The following GNG2 variants were observed in gnomAD, a reference collection of about 807,000 sequenced individuals.
GNG2 encodes the protein G protein subunit gamma 2.
A neutral mutation model predicts 5.5 loss-of-function variants in GNG2; 5 were observed. The observed-to-expected ratio is 0.91, with a 90% CI of 0.48 to 1.92. GNG2 has a LOEUF of 1.92. Among genes scored for constraint, GNG2 ranks in the 30% most tolerant of loss-of-function variants. The pLI is 0.01. For missense variants in GNG2, 55 were observed against 88.4 expected (o/e 0.62, Z 1.52); for synonymous variants, 28 against 32.0 (o/e 0.88, Z 0.42).
At chr14:51,854,400 T>C (rs1051243867) in intron 2 of GNG2, among the ~76,000 whole-genome samples, 2 of 152,178 alleles carry the variant, frequency 1.3e-5, no homozygotes, top group Non-Finnish European at 2.9e-5. Flanking sequence ...GCAGCCCTGG[T>C]CTGGGGAGTG....
intron 2 of GNG2, among the ~76,000 whole-genome samples, chr14:51,922,370 G>T (rs1044587901): frequency 2.0e-5 from 3 of 152,192 alleles, no homozygotes; most frequent in Non-Finnish European, 4.4e-5. Flanking sequence ...CTAGTTTCCT[G>T]AAACTTTTCT....
intron 2 of GNG2, chr14:51,916,616 G>A (rs901230847): frequency 1.0e-5 from 4 of 396,674 alleles, no homozygotes; most frequent in African/African-American, 4.2e-5. Flanking sequence ...GAGGAAGCCA[G>A]AAGTAGAAGA....
At chr14:51,899,946 A>T (rs536561683) in intron 2 of GNG2, among the ~76,000 whole-genome samples, 3 of 152,324 alleles carry the variant, frequency 2.0e-5, no homozygotes, top group South Asian at 4.1e-4. Flanking sequence ...CCTTTTACCT[A>T]ATGTAAATAA....
intron 2 of GNG2, among the ~76,000 whole-genome samples, chr14:51,907,849 C>A (rs1326762954): frequency 6.6e-6 from 1 of 152,056 alleles, no homozygotes; most frequent in Non-Finnish European, 1.5e-5. Flanking sequence ...TGGTCTTTAC[C>A]GATTTAGGTT....
chr14:51,827,127 C>G (rs35235484), intron 1 of GNG2, among the ~76,000 whole-genome samples: 39,158 of 151,842 alleles, frequency 0.26, 6,199 homozygotes, highest in Non-Finnish European at 0.36. Context: ...ATCTGGGGAT[C>G]TTTTAAAAGT....
At chr14:51,846,011 G>A (rs915564393) in intron 2 of GNG2, among the ~76,000 whole-genome samples, 4 of 152,066 alleles carry the variant, frequency 2.6e-5, no homozygotes, top group Admixed American at 2.6e-4. Context: ...TTCCACCTTT[G>A]ACAAGATAGG....
At chr14:51,900,742 C>T (rs150659535) in intron 2 of GNG2, among the ~76,000 whole-genome samples, 135 of 152,000 alleles carry the variant, frequency 8.9e-4, no homozygotes, top group African/African-American at 3.1e-3. Flanking sequence ...ACTTTGCTTT[C>T]CTAAAGTTCT....
At chr14:51,878,534 TA>T (rs202247479) in intron 2 of GNG2, among the ~76,000 whole-genome samples, 3 of 151,276 alleles carry the variant, frequency 2.0e-5, no homozygotes, top group East Asian at 1.9e-4. Flanking sequence ...CAGCAAATGC[TA>T]AAAAAAAATA....
At chr14:51,905,747 T>TA (rs1216780419) in intron 2 of GNG2, among the ~76,000 whole-genome samples, 1 of 152,192 alleles carries the variant, frequency 6.6e-6, no homozygotes, top group Non-Finnish European at 1.5e-5. Context: ...CAGGTGGAAA[T>TA]AATTGAATCA....
intron 2 of GNG2, among the ~76,000 whole-genome samples, chr14:51,847,885 T>TC (rs1219459856): frequency 3.4e-5 from 4 of 117,126 alleles, no homozygotes; most frequent in African/African-American, 1.2e-4. Flanking sequence ...CTTTTTCTTT[T>TC]TTTTTTTTTT....
intron 1 of GNG2, among the ~76,000 whole-genome samples, chr14:51,867,639 G>A (rs2140114660): frequency 6.6e-6 from 1 of 152,246 alleles, no homozygotes; most frequent in South Asian, 2.1e-4. Context: ...GGGCTGACTT[G>A]TTTTTTGAGT....
intron 1 of GNG2, among the ~76,000 whole-genome samples, chr14:51,871,423 T>C (rs188011251): frequency 5.3e-5 from 8 of 151,742 alleles, no homozygotes; most frequent in Admixed American, 2.0e-4. Flanking sequence ...AAAGATAACA[T>C]GTAGGAGAGT....
intron 2 of GNG2, among the ~76,000 whole-genome samples, chr14:51,910,491 G>A (rs879830568): frequency 2.6e-5 from 4 of 152,232 alleles, no homozygotes; most frequent in Admixed American, 6.5e-5. Context: ...AGGATGGAAG[G>A]AAGGGGGAAA....
intron 3 of GNG2, among the ~76,000 whole-genome samples, chr14:51,952,807 C>T (rs1889067264): frequency 6.6e-6 from 1 of 152,156 alleles, no homozygotes; most frequent in Non-Finnish European, 1.5e-5. Context: ...AATACATCTC[C>T]ATCCCGCCAT....
At chr14:51,943,170 G>A (rs932564114) in intron 2 of GNG2, among the ~76,000 whole-genome samples, 2 of 152,194 alleles carry the variant, frequency 1.3e-5, no homozygotes, top group African/African-American at 4.8e-5. Context: ...ACAAGTCACA[G>A]TGCATCACCA....
chr14:51,922,086 A>T (rs1887046903), intron 2 of GNG2, among the ~76,000 whole-genome samples: 1 of 152,148 alleles, frequency 6.6e-6, no homozygotes, highest in Non-Finnish European at 1.5e-5. Context: ...AGACTTTTAC[A>T]TTTCTTCCAC....
rs1251065426 is a variant in GNG2 at position 51,928,012 on chromosome 14, T to TTC, written c.-29-22624_-29-22623dup. Among the ~76,000 whole-genome samples the TTC allele has an allele frequency of 2.2e-3, 315 of 144,914 alleles. 1 individual carries two copies. The highest frequency in any genetic ancestry group is 3.7e-3 in the Non-Finnish European group (248 of 66,678). Reference sequence around the variant, plus strand: ...TGAAGTCTCAATTGGGTATTTGCCTTTCTCTCTCTCTCTCTTTTTTTTTTT... The same window carrying TTC: ...TGAAGTCTCAATTGGGTATTTGCCTTTCTCTCTCTCTCTCTCTTTTTTTTTTT... On this transcript the variant is annotated intron_variant, in intron 2 of 3. Transcript: ENST00000556766.
At chr14:51,884,936 G>C (rs565713566) in intron 2 of GNG2, among the ~76,000 whole-genome samples, 1 of 152,292 alleles carries the variant, frequency 6.6e-6, no homozygotes, top group South Asian at 2.1e-4. Context: ...GTTGAGAGGA[G>C]AGGTCTCATC....
At chr14:51,876,150 G>A (rs907425578) in intron 1 of GNG2, among the ~76,000 whole-genome samples, 1 of 152,018 alleles carries the variant, frequency 6.6e-6, no homozygotes, top group African/African-American at 2.4e-5. Context: ...TGTTGCCCAG[G>A]CTGGTCTCAA....
Sources: gnomAD v4.1 joint callset for allele counts (sites outside exome capture counted in the v4.1 genomes callset) on GRCh38, gnomAD v4.1.1 for gene constraint, MANE v1.5 for transcripts, NCBI Gene and HGNC (gene_info 2026-07-23, HGNC 2026-07-21) for gene names.